QKI: variants seen among roughly 807,000 people sequenced by gnomAD.
QKI encodes the protein QKI, KH domain containing RNA binding, also known as KH domain-containing RNA-binding protein QKI.
A neutral mutation model predicts 39.0 loss-of-function variants in QKI; 10 were observed. That is an observed-to-expected ratio of 0.26 (90% confidence interval 0.16 to 0.43). The LOEUF (loss-of-function observed/expected upper bound fraction) is 0.43, where lower values mean the gene tolerates loss of function less well. Among genes scored for constraint, QKI ranks in the 20% least tolerant of loss-of-function variants. QKI has a pLI of 1.00. For missense variants in QKI, 218 were observed against 428.0 expected (o/e 0.51, Z 4.33); for synonymous variants, 204 against 155.4 (o/e 1.31, Z -2.33).
intron 2 of QKI, among the ~76,000 whole-genome samples, chr6:163,478,218 T>C (rs1405797649): frequency 6.6e-6 from 1 of 152,228 alleles, no homozygotes; most frequent in African/African-American, 2.4e-5. Context: ...TTAGGTTTCT[T>C]ATAAGTTAAA....
chr6:163,506,591 T>G (rs1779106576), intron 3 of QKI, among the ~76,000 whole-genome samples: 1 of 152,204 alleles, frequency 6.6e-6, no homozygotes, highest in African/African-American at 2.4e-5. Context: ...GAAAAGTTAG[T>G]TCTTTCCTAC....
chr6:163,515,888 CTTTTTA>C (rs1779761818), intron 3 of QKI, among the ~76,000 whole-genome samples: 1 of 152,112 alleles, frequency 6.6e-6, no homozygotes, highest in Non-Finnish European at 1.5e-5. Context: ...AAGCTTTTCA[CTTTTTA>C]TTTTTATCTC....
chr6:163,481,505 A>G (rs1003976878), intron 3 of QKI, among the ~76,000 whole-genome samples: 2 of 152,212 alleles, frequency 1.3e-5, no homozygotes, highest in Non-Finnish European at 1.5e-5. Flanking sequence ...AGTTCAGGTA[A>G]TAAATGAAAG....
chr6:163,566,972 G>GTTT (rs1357939721), intron 7 of QKI, 177 bp downstream of exon 7: 55 of 1,367,134 alleles, frequency 4.0e-5, no homozygotes, highest in Non-Finnish European at 5.2e-5. Flanking sequence ...TTTTGGTTTG[G>GTTT]TTTTTTCTCC....
chr6:163,438,819 A>C (rs1363602940), intron 1 of QKI, among the ~76,000 whole-genome samples: 1 of 152,128 alleles, frequency 6.6e-6, no homozygotes, highest in East Asian at 1.9e-4. Context: ...GCTGCCCTGA[A>C]TTTATAAAAG....
At chr6:163,467,808 G>GGGC in intron 2 of QKI, among the ~76,000 whole-genome samples, 1 of 152,130 alleles carries the variant, frequency 6.6e-6, no homozygotes, top group Admixed American at 6.6e-5. Flanking sequence ...TCTGACTTAG[G>GGGC]ATTGTTTACA....
chr6:163,564,710 A>G (rs1783247370), intron 6 of QKI: 1 of 1,613,946 alleles, frequency 6.2e-7, no homozygotes, highest in Non-Finnish European at 8.5e-7. Flanking sequence ...CAGCCCATTG[A>G]CTTGCTGGAT....
intron 2 of QKI, among the ~76,000 whole-genome samples, chr6:163,459,699 A>G (rs1296970615): frequency 6.6e-6 from 1 of 152,310 alleles, no homozygotes; most frequent in South Asian, 2.1e-4. Flanking sequence ...CAAATGTGTG[A>G]CATCTGATAG....
intron 2 of QKI, among the ~76,000 whole-genome samples, chr6:163,465,371 C>T (rs1791657890): frequency 6.6e-6 from 1 of 152,014 alleles, no homozygotes; most frequent in African/African-American, 2.4e-5. Flanking sequence ...GCTCATGGCT[C>T]TGATTCCCAG....
chr6:163,542,368 A>G (rs1407844874), intron 4 of QKI, among the ~76,000 whole-genome samples: 1 of 152,058 alleles, frequency 6.6e-6, no homozygotes, highest in African/African-American at 2.4e-5. Flanking sequence ...CCTAAAACAC[A>G]CAAGAATGGT....
chr6:163,504,538 C>T (rs1056249784), intron 3 of QKI, among the ~76,000 whole-genome samples: 1 of 152,040 alleles, frequency 6.6e-6, no homozygotes, highest in Admixed American at 6.6e-5. Flanking sequence ...TTTCTTTTAG[C>T]AGTGTTTTGT....
At chr6:163,441,481 C>T (rs1443203997) in intron 1 of QKI, among the ~76,000 whole-genome samples, 6 of 152,056 alleles carry the variant, frequency 3.9e-5, no homozygotes, top group African/African-American at 1.4e-4. Flanking sequence ...GTAGATGTTA[C>T]AAATATAGCA....
At chr6:163,454,796 ATC>A (rs1408803081) in intron 1 of QKI, among the ~76,000 whole-genome samples, 2 of 152,314 alleles carry the variant, frequency 1.3e-5, no homozygotes, top group Non-Finnish European at 2.9e-5. Context: ...TCTTTTGAAC[ATC>A]TCTGTTTGGA....
intron 3 of QKI, among the ~76,000 whole-genome samples, chr6:163,525,493 G>C (rs1194384463): frequency 6.6e-6 from 1 of 151,782 alleles, no homozygotes; most frequent in Non-Finnish European, 1.5e-5. Context: ...TGAGTACCTG[G>C]GATTACAGGC....
At position 163,575,165 on chromosome 6, in the gene QKI, G is replaced by C. The variant is rs1562564168; in HGVS notation, c.*4455G>C. 2.6e-5 allele frequency: 4 copies of C among 152,162 alleles called. No homozygotes were observed. The highest frequency in any genetic ancestry group is 2.0e-4 in the Admixed American group (3 of 15,268). The allele number at this position is 152,162 out of a possible 1,614,324, so 9.4% of individuals were successfully genotyped here. A position where few individuals can be genotyped will look rare whatever the true frequency, so the allele number is the denominator to read the frequency against. On this transcript the variant is annotated 3_prime_UTR_variant, in exon 8 of 8. Transcript: ENST00000361752. ...GCCATAACAGTTCATGTAGTAGTCT[G>C]TGAAAATTCGAAGCTGTCTGTCAAG...
At chr6:163,564,308 C>G in intron 6 of QKI, 1 of 1,003,140 alleles carries the variant, frequency 1.0e-6, no homozygotes, top group Non-Finnish European at 1.2e-6. Flanking sequence ...AGTGTACTTA[C>G]ACAGACATAG....
At chr6:163,440,052 A>G (rs950648741) in intron 1 of QKI, among the ~76,000 whole-genome samples, 2 of 152,132 alleles carry the variant, frequency 1.3e-5, no homozygotes, top group East Asian at 1.9e-4. Context: ...ATTTGAATAT[A>G]CCATTTCCTT....
chr6:163,479,947 A>G (rs1265630532), intron 3 of QKI, among the ~76,000 whole-genome samples: 1 of 152,164 alleles, frequency 6.6e-6, no homozygotes, highest in Non-Finnish European at 1.5e-5. Context: ...GCCATATGAG[A>G]TACACTTTGG....
At chr6:163,421,392 C>T (rs907780251) in intron 1 of QKI, among the ~76,000 whole-genome samples, 15 of 152,168 alleles carry the variant, frequency 9.9e-5, no homozygotes. Context: ...CATCTCAGCT[C>T]TTGGAAAATT....
Sources: gnomAD v4.1 joint callset for allele counts (sites outside exome capture counted in the v4.1 genomes callset) on GRCh38, gnomAD v4.1.1 for gene constraint, MANE v1.5 for transcripts, NCBI Gene and HGNC (gene_info 2026-07-23, HGNC 2026-07-21) for gene names.